Variants in EAF2 observed in about 807,000 individuals in gnomAD.
EAF2 encodes the protein ELL associated factor 2.
Under a neutral mutation model 29.4 loss-of-function variants are expected in EAF2, and 29 were observed. The ratio of observed to expected loss-of-function variants is 0.99; its 90% CI spans 0.73 to 1.35. The LOEUF (loss-of-function observed/expected upper bound fraction) is 1.35. EAF2 is among the 40% of genes most tolerant of loss of function. The probability of loss-of-function intolerance (pLI) is 0.00; values close to 1 mark genes in which losing one functional copy is unlikely to be tolerated. For missense variants in EAF2, 292 were observed against 312.0 expected (o/e 0.94, Z 0.48); for synonymous variants, 103 against 102.5 (o/e 1.00, Z -0.03).
intron 3 of EAF2, among the ~76,000 whole-genome samples, chr3:121,855,356 A>T (rs1206864642): frequency 6.6e-6 from 1 of 152,234 alleles, no homozygotes; most frequent in African/African-American, 2.4e-5. Context: ...TCTAAAAGCC[A>T]TGCAAATAGT....
intron 2 of EAF2, among the ~76,000 whole-genome samples, chr3:121,845,309 G>A (rs1708507221): frequency 6.6e-6 from 1 of 151,650 alleles, no homozygotes; most frequent in African/African-American, 2.4e-5. Flanking sequence ...GTGGTAGTGG[G>A]CACCTGTAGT....
At chr3:121,878,166 A>T (rs534548863) in intron 5 of EAF2, among the ~76,000 whole-genome samples, 1 of 152,176 alleles carries the variant, frequency 6.6e-6, no homozygotes, top group Non-Finnish European at 1.5e-5. Context: ...AAATAGACCA[A>T]TAGAATAGGC....
chr3:121,840,963 A>G (rs1233577366), intron 1 of EAF2, among the ~76,000 whole-genome samples: 4 of 152,176 alleles, frequency 2.6e-5, no homozygotes, highest in African/African-American at 9.6e-5. Context: ...AGAAGAGGGA[A>G]CTTTGAAATA....
intron 1 of EAF2, among the ~76,000 whole-genome samples, chr3:121,839,170 T>A (rs1708359288): frequency 6.6e-6 from 1 of 152,248 alleles, no homozygotes; most frequent in Non-Finnish European, 1.5e-5. Flanking sequence ...TATCTTGAGT[T>A]AGTTGCAAAT....
At chr3:121,846,896 T>A (rs1038696176) in intron 2 of EAF2, among the ~76,000 whole-genome samples, 2 of 152,188 alleles carry the variant, frequency 1.3e-5, no homozygotes, top group Non-Finnish European at 2.9e-5. Context: ...TGTTTGGTTA[T>A]GGTCTCAATT....
chr3:121,864,766 A>G (rs527537311), intron 4 of EAF2, among the ~76,000 whole-genome samples: 1 of 152,120 alleles, frequency 6.6e-6, no homozygotes, highest in South Asian at 2.1e-4. Context: ...GCAGTGAGTC[A>G]TGATTGTGCC....
intron 4 of EAF2, among the ~76,000 whole-genome samples, chr3:121,859,787 A>G (rs1221672137): frequency 1.3e-5 from 2 of 152,200 alleles, no homozygotes; most frequent in Non-Finnish European, 1.5e-5. Flanking sequence ...TTGCCCATTC[A>G]GTATGATATT....
At chr3:121,850,527 C>A (rs1442905739) in intron 2 of EAF2, among the ~76,000 whole-genome samples, 2 of 151,962 alleles carry the variant, frequency 1.3e-5, no homozygotes, top group African/African-American at 2.4e-5. Flanking sequence ...CATTTATTAT[C>A]CCTTAATAAT....
Position 121,842,234 on chromosome 3 carries a change from T to C in EAF2, c.107-2219T>C, listed in dbSNP as rs1034078523. ...TGCGGATCAACAAAGTCCACTAGTATAGGCACCCACATAGGGCATGACGAT... is the reference window on the plus strand; with the variant it reads ...TGCGGATCAACAAAGTCCACTAGTACAGGCACCCACATAGGGCATGACGAT... On this transcript the variant is annotated intron_variant, in intron 1 of 5. Transcript: ENST00000273668. Among the ~76,000 whole-genome samples the C allele has an allele frequency of 3.3e-5, 5 of 152,134 alleles. No homozygotes were observed. The East Asian group carries it at 9.6e-4, about 29-fold the overall frequency.
chr3:121,862,955 G>T (rs2107528207), intron 4 of EAF2, among the ~76,000 whole-genome samples: 1 of 152,290 alleles, frequency 6.6e-6, no homozygotes, highest in South Asian at 2.1e-4. Context: ...GTTTGCTGGA[G>T]GTGCACTCCA....
rs577906119 is a variant in EAF2 at position 121,836,416 on chromosome 3, A to G, written c.106+1025A>G. ...ATCAAAACAACTAATTAAAGCATAC[A>G]TTCTCCCAAAAGTTTATTTAAGTTG... On this transcript the variant is annotated intron_variant, in intron 1 of 5. Coordinates refer to ENST00000273668, the MANE Select transcript of EAF2 (RefSeq NM_018456.6). Among the ~76,000 whole-genome samples, 14 of 152,354 alleles carry G rather than the reference A, an allele frequency of 9.2e-5. No homozygotes were observed. The South Asian group carries it at 2.9e-3, about 32-fold the overall frequency.
intron 1 of EAF2, among the ~76,000 whole-genome samples, chr3:121,840,189 GAAAAAAAAA>G (rs35521886): frequency 1.4e-5 from 1 of 69,618 alleles, no homozygotes; most frequent in South Asian, 5.8e-4. Flanking sequence ...ATTCTCTCAG[GAAAAAAAAA>G]AAAAAAAAAA....
rs1297373611 is a variant in EAF2, at chr3:121,857,066, TGGAATTCAGCCA to T, written c.398_409del (p.Asn133_Arg136del). 6.2e-7 allele frequency: 1 copy of T among 1,613,802 alleles called. No individual in the cohort carries two copies. The highest frequency in any genetic ancestry group is 1.6e-4 in the Middle Eastern group (1 of 6,084). On this transcript the variant is annotated inframe_deletion, in exon 4 of 6. Coordinates refer to ENST00000273668, the MANE Select transcript of EAF2 (RefSeq NM_018456.6). ...TAAAGAACAACAGCAACAACAAATGTGGAATTCAGCCAGGACTCCCAATCTTGTAAAACATTC... is the reference window on the plus strand; with the variant it reads ...TAAAGAACAACAGCAACAACAAATGTGGACTCCCAATCTTGTAAAACATTC...
chr3:121,860,174 G>A (rs1708800607), intron 4 of EAF2, among the ~76,000 whole-genome samples: 3 of 152,204 alleles, frequency 2.0e-5, no homozygotes, highest in Non-Finnish European at 4.4e-5. Context: ...TCAGGATGAT[G>A]CTGGCCTCAT....
At chr3:121,855,507 C>T (rs564767409) in intron 3 of EAF2, among the ~76,000 whole-genome samples, 1 of 152,060 alleles carries the variant, frequency 6.6e-6, no homozygotes, top group South Asian at 2.1e-4. Flanking sequence ...AATTAGTTCC[C>T]GAATCCAACC....
At chr3:121,866,887 A>G (rs577488388) in intron 4 of EAF2, among the ~76,000 whole-genome samples, 16 of 152,318 alleles carry the variant, frequency 1.1e-4, no homozygotes, top group African/African-American at 3.8e-4. Flanking sequence ...TGATCTTTAA[A>G]CAATTATCAC....
intron 3 of EAF2, 64 bp from the exon 4 acceptor site, chr3:121,856,947 G>T: frequency 1.4e-6 from 2 of 1,438,470 alleles, no homozygotes; most frequent in Non-Finnish European, 1.9e-6. Flanking sequence ...TAGTAACTTT[G>T]TAAGTTAAAT....
At chr3:121,853,105 T>C (rs1708659844) in intron 2 of EAF2, among the ~76,000 whole-genome samples, 1 of 152,210 alleles carries the variant, frequency 6.6e-6, no homozygotes, top group African/African-American at 2.4e-5. Context: ...TCTAATGTCT[T>C]ACCATTTTTT....
intron 4 of EAF2, among the ~76,000 whole-genome samples, chr3:121,868,599 A>AAAAT (rs1002826859): frequency 2.6e-5 from 4 of 152,188 alleles, no homozygotes; most frequent in Non-Finnish European, 4.4e-5. Flanking sequence ...CTCCATCTCA[A>AAAAT]AAATAAATAA....
Sources: gnomAD v4.1 joint callset for allele counts (sites outside exome capture counted in the v4.1 genomes callset) on GRCh38, gnomAD v4.1.1 for gene constraint, MANE v1.5 for transcripts, NCBI Gene and HGNC (gene_info 2026-07-23, HGNC 2026-07-21) for gene names.